Variants in SI observed in about 807,000 individuals in gnomAD.
SI encodes the protein sucrase-isomaltase.
A neutral mutation model predicts 253.3 loss-of-function variants in SI; 235 were observed. The ratio of observed to expected loss-of-function variants is 0.93; its 90% CI spans 0.83 to 1.03. The LOEUF (loss-of-function observed/expected upper bound fraction) is 1.03, where lower values mean the gene tolerates loss of function less well. Among genes scored for constraint, SI ranks in the 50% least tolerant of loss-of-function variants. The pLI is 0.00. For synonymous variants in SI, 819 were observed against 712.0 expected (o/e 1.15, Z -2.39); for missense variants, 2,442 against 2,211.1 (o/e 1.10, Z -2.09).
At chr3:165,001,940 TA>T (rs1291455714) in intron 37 of SI, among the ~76,000 whole-genome samples, 1 of 151,538 alleles carries the variant, frequency 6.6e-6, no homozygotes, top group African/African-American at 2.4e-5. Flanking sequence ...TTTATAAGAA[TA>T]TCTGCAAAAA....
At chr3:165,052,464 T>G (rs184396261) in intron 13 of SI, among the ~76,000 whole-genome samples, 84 of 152,252 alleles carry the variant, frequency 5.5e-4, no homozygotes, top group African/African-American at 1.9e-3. Flanking sequence ...CAGACCAGCC[T>G]GGCCAACATG....
intron 1 of SI, among the ~76,000 whole-genome samples, chr3:165,076,916 G>A (rs1689745509): frequency 6.7e-6 from 1 of 149,626 alleles, no homozygotes; most frequent in South Asian, 2.1e-4. Context: ...ATATACCAAA[G>A]TAGAACTTAG....
intron 3 of SI, 87 bp from the exon 4 acceptor site, chr3:165,069,282 AAAT>A: frequency 1.1e-6 from 1 of 933,496 alleles, no homozygotes; most frequent in Non-Finnish European, 1.7e-6. Flanking sequence ...GAATATTTTA[AAAT>A]AATCTAACTT....
intron 30 of SI, 33 bp from the exon 31 acceptor site, chr3:165,017,706 A>G: frequency 6.2e-7 from 1 of 1,608,120 alleles, no homozygotes; most frequent in Non-Finnish European, 8.5e-7. Flanking sequence ...AACTAAGAGA[A>G]TTACTTTATG....
chr3:165,028,690 AG>A (rs576481392), intron 25 of SI, among the ~76,000 whole-genome samples: 249 of 151,590 alleles, frequency 1.6e-3, no homozygotes, highest in African/African-American at 5.6e-3. Context: ...AAGTGAGGAA[AG>A]GACATCCTAT....
chr3:165,071,730 A>G (rs1410209886), intron 3 of SI, among the ~76,000 whole-genome samples: 2 of 152,142 alleles, frequency 1.3e-5, no homozygotes, highest in East Asian at 3.9e-4. Flanking sequence ...GACAGCGAAG[A>G]TCTCTTTCTC....
At chr3:164,992,858 C>A (rs1001791598) in intron 41 of SI, among the ~76,000 whole-genome samples, 4 of 151,616 alleles carry the variant, frequency 2.6e-5, no homozygotes, top group Non-Finnish European at 4.4e-5. Context: ...TTACATGTTC[C>A]TAAAGGCTCT....
At chr3:164,994,994 T>C (rs528013884) in intron 40 of SI, among the ~76,000 whole-genome samples, 1 of 151,890 alleles carries the variant, frequency 6.6e-6, no homozygotes. Flanking sequence ...GAGTGGAAGA[T>C]TAAAAGTCTA....
rs771644846 is a variant in SI at position 165,062,377 on chromosome 3, A to C, written c.1014T>G (p.Tyr338Ter). The part of the protein sequence containing the change: ...GDTPEQVVQQ[Y>*]QQLVGLPAMP... ...AAATAGACCTGAAACACACCTGTTG[A>C]TACTGTTGAACTACTTGTTCTGGTG... is the stretch of plus-strand genomic sequence containing the variant. Residue 338 changes from tyrosine (Y) to a stop codon, truncating the protein, a stop_gained, in exon 9 of 48, where the codon TAT (tyrosine) becomes TAG (stop). Coordinates refer to ENST00000264382, the MANE Select transcript of SI (RefSeq NM_001041.4). LOFTEE classifies it high-confidence loss of function. 6 of 1,511,666 alleles carry C rather than the reference A, an allele frequency of 4.0e-6. No individual in the cohort carries two copies. Among genetic ancestry groups the C allele is most frequent in the Non-Finnish European group, 4.6e-6 (5 of 1,087,398 alleles). 93.6% of individuals were successfully genotyped at this position (1,511,666 alleles called of 1,614,324 possible).
chr3:165,007,810 A>G (rs1559986550), intron 36 of SI, 101 bp downstream of exon 36: 1 of 381,498 alleles, frequency 2.6e-6, no homozygotes, highest in African/African-American at 2.2e-5. Context: ...CTATATATAT[A>G]TTCTATGTAT....
intron 44 of SI, among the ~76,000 whole-genome samples, chr3:164,990,982 G>T (rs57398359): frequency 0.12 from 18,356 of 150,416 alleles, 1,179 homozygotes; most frequent in South Asian, 0.17. Flanking sequence ...ATATAAAAAA[G>T]ATAATATTTT....
chr3:165,013,705 G>A (rs1718880553), intron 33 of SI, among the ~76,000 whole-genome samples: 1 of 152,026 alleles, frequency 6.6e-6, no homozygotes, highest in Non-Finnish European at 1.5e-5. Context: ...CACCAAAAAG[G>A]AATTATTTAC....
chr3:165,020,451 A>G (rs1711540024), intron 27 of SI, among the ~76,000 whole-genome samples: 2 of 151,674 alleles, frequency 1.3e-5, no homozygotes, highest in South Asian at 4.1e-4. Context: ...TTGGAAAACT[A>G]TTTAATCGAG....
At chr3:165,005,609 T>A (rs116491921) in intron 37 of SI, among the ~76,000 whole-genome samples, 1,602 of 152,334 alleles carry the variant, frequency 0.011, 28 homozygotes, top group African/African-American at 0.036. Context: ...TATTATTTCA[T>A]ATTTAATTAT....
rs121912616 is a variant in SI, at chr3:165,021,265, C to T, written c.3218G>A (p.Gly1073Asp). The T allele has an allele frequency of 2.7e-3, 4,289 of 1,611,224 alleles. 6 individuals carry two copies. The highest frequency in any genetic ancestry group is 3.4e-3 in the Non-Finnish European group (4,023 of 1,178,056). ...ACTGCTTCTCCGTCGAATCTGGATG[C>T]CAAAAGGATTTTCCTTGATTTCCAC... ...YDVEIKENPFGIQIRRRSSGR... is the reference protein window; with the variant it reads ...YDVEIKENPFDIQIRRRSSGR... The change falls in exon 27 of 48, where the codon GGC becomes GAC. Residue 1073 changes from glycine to aspartate, a missense_variant. Gly to Asp is a moderately conservative substitution (Grantham distance 94). Coordinates refer to ENST00000264382, the MANE Select transcript of SI (RefSeq NM_001041.4).
chr3:165,067,853 T>C (rs1560016876), intron 5 of SI, among the ~76,000 whole-genome samples: 1 of 151,710 alleles, frequency 6.6e-6, no homozygotes, highest in Non-Finnish European at 1.5e-5. Context: ...TATATAACTA[T>C]ATAAAGATAA....
rs1712936833 is a variant in SI, at chr3:165,043,164, G to A, written c.1899C>T (p.Asp633=). The change falls in exon 17 of 48, where the codon GAC becomes GAT. Residue 633 remains aspartate, a synonymous_variant. Transcript: ENST00000264382. ...TGGTTTCAGCCACAAATCCACAGAT[G>A]TCTGCTCCAACCTAAATAACAAATA... ...SLFGIPLVGA[D]ICGFVAETTE... The A allele has an allele frequency of 6.2e-7, 1 of 1,606,868 alleles. No individual in the cohort carries two copies. Among genetic ancestry groups the A allele is most frequent in the East Asian group, 2.2e-5 (1 of 44,644 alleles).
intron 2 of SI, among the ~76,000 whole-genome samples, chr3:165,075,529 C>T (rs1714898906): frequency 6.6e-6 from 1 of 152,026 alleles, no homozygotes; most frequent in Non-Finnish European, 1.5e-5. Context: ...ATCCTTATTT[C>T]CTTTGCAAGT....
intron 18 of SI, 94 bp downstream of exon 18, chr3:165,040,846 A>C: frequency 1.0e-6 from 1 of 987,050 alleles, no homozygotes; most frequent in Non-Finnish European, 1.6e-6. Context: ...GCAGAAGTTT[A>C]ATTGATATCT....
Sources: allele counts gnomAD v4.1 joint callset (sites outside exome capture counted in the v4.1 genomes callset), GRCh38; gene constraint gnomAD v4.1.1; transcripts MANE v1.5; gene names NCBI Gene and HGNC (gene_info 2026-07-23, HGNC 2026-07-21).